The following CYP39A1 variants were observed in gnomAD, a reference collection of about 807,000 sequenced individuals.
The protein encoded by CYP39A1 is cytochrome P450 family 39 subfamily A member 1, also known as 24-hydroxycholesterol 7-alpha-hydroxylase.
A neutral mutation model predicts 58.1 loss-of-function variants in CYP39A1; 49 were observed. That is an observed-to-expected ratio of 0.84 (90% CI 0.67 to 1.07). CYP39A1 has a LOEUF of 1.07. Ranked by LOEUF, CYP39A1 falls within the 50% of genes least tolerant of loss-of-function variation. CYP39A1 has a pLI of 0.00. For synonymous variants in CYP39A1, 209 were observed against 187.6 expected (o/e 1.11, Z -0.93); for missense variants, 531 against 539.4 (o/e 0.98, Z 0.16).
At chr6:46,577,111 T>C (rs180809716) in intron 10 of CYP39A1, among the ~76,000 whole-genome samples, 23 of 152,214 alleles carry the variant, frequency 1.5e-4, no homozygotes, top group African/African-American at 5.3e-4. Flanking sequence ...CCATGAGAGA[T>C]TGGGGGTGTA....
chr6:46,583,412 G>A (rs1772263610), intron 10 of CYP39A1: 8 of 985,310 alleles, frequency 8.1e-6, no homozygotes, highest in Non-Finnish European at 8.4e-6. Flanking sequence ...ACTCTCAGAG[G>A]TGCTCACTCA....
At chr6:46,568,935 A>C (rs1442501225) in intron 10 of CYP39A1, among the ~76,000 whole-genome samples, 1 of 151,916 alleles carries the variant, frequency 6.6e-6, no homozygotes, top group South Asian at 2.1e-4. Flanking sequence ...AAAAAATAAC[A>C]TCATTGCGAT....
At chr6:46,640,222 T>G (rs1776247632) in intron 2 of CYP39A1, among the ~76,000 whole-genome samples, 1 of 152,186 alleles carries the variant, frequency 6.6e-6, no homozygotes. Flanking sequence ...TTTCAGCCCT[T>G]CTCCCTCAAA....
intron 10 of CYP39A1, among the ~76,000 whole-genome samples, chr6:46,580,036 C>G (rs1772040463): frequency 6.6e-6 from 1 of 151,922 alleles, no homozygotes; most frequent in Admixed American, 6.6e-5. Flanking sequence ...AAAAAGAGCC[C>G]AAATTACCAA....
At chr6:46,622,509 A>T (rs1029202354) in intron 7 of CYP39A1, among the ~76,000 whole-genome samples, 2 of 149,666 alleles carry the variant, frequency 1.3e-5, no homozygotes, top group Non-Finnish European at 2.9e-5. Flanking sequence ...GCTACTCAGG[A>T]GGCTGTGGCA....
At chr6:46,560,339 G>A (rs1770909151) in intron 10 of CYP39A1, among the ~76,000 whole-genome samples, 1 of 152,164 alleles carries the variant, frequency 6.6e-6, no homozygotes, top group Non-Finnish European at 1.5e-5. Flanking sequence ...TGGTGACTTA[G>A]AACAGGATGG....
intron 10 of CYP39A1, chr6:46,586,608 G>T (rs769172482): frequency 2.8e-5 from 27 of 979,162 alleles, no homozygotes; most frequent in Non-Finnish European, 3.3e-5. Context: ...ACTATAAAAG[G>T]TATCAAAAGA....
intron 10 of CYP39A1, among the ~76,000 whole-genome samples, chr6:46,558,877 T>C (rs920312599): frequency 1.3e-5 from 2 of 150,974 alleles, no homozygotes; most frequent in Non-Finnish European, 2.9e-5. Flanking sequence ...GCACCTGTAA[T>C]CCCAGCTACT....
At chr6:46,575,425 G>A (rs1056701790) in intron 10 of CYP39A1, among the ~76,000 whole-genome samples, 2 of 152,188 alleles carry the variant, frequency 1.3e-5, no homozygotes, top group African/African-American at 2.4e-5. Context: ...CTGCCTGGCT[G>A]CAACCACATG....
intron 10 of CYP39A1, chr6:46,586,545 C>T (rs993421066): frequency 7.1e-6 from 7 of 985,296 alleles, no homozygotes; most frequent in Non-Finnish European, 8.4e-6. Flanking sequence ...TGGACACTTG[C>T]ATTAGAACAG....
intron 10 of CYP39A1, among the ~76,000 whole-genome samples, chr6:46,579,931 C>A (rs957780487): frequency 6.6e-6 from 1 of 152,050 alleles, no homozygotes; most frequent in Non-Finnish European, 1.5e-5. Context: ...TCATACTGCA[C>A]AAGGAATTTA....
At chr6:46,642,608 T>G (rs1392432565) in intron 1 of CYP39A1, among the ~76,000 whole-genome samples, 1 of 152,156 alleles carries the variant, frequency 6.6e-6, no homozygotes, top group Non-Finnish European at 1.5e-5. Context: ...CATTGTGACA[T>G]TTAAACATTG....
rs568266737 is a variant in CYP39A1, at chr6:46,639,724, T to A, written c.314-56A>T. 22 of 1,414,296 alleles carry A rather than the reference T, an allele frequency of 1.6e-5. No individual in the cohort carries two copies. In the East Asian group the frequency reaches 4.9e-4, roughly 31 times the overall value. The allele number at this position is 1,414,296 out of a possible 1,614,324, so 87.6% of individuals were successfully genotyped here. A position where few individuals can be genotyped will look rare whatever the true frequency, so the allele number is the denominator to read the frequency against. On this transcript the variant is annotated intron_variant, in intron 2 of 11. Transcript: ENST00000275016. ...AGCAACAACTCCTTGAAACACACAGTCAATATATATCTACTATTATTTGGT... is the reference window on the plus strand; with the variant it reads ...AGCAACAACTCCTTGAAACACACAGACAATATATATCTACTATTATTTGGT...
At chr6:46,553,279 A>G (rs966004467) in intron 11 of CYP39A1, among the ~76,000 whole-genome samples, 1 of 152,168 alleles carries the variant, frequency 6.6e-6, no homozygotes, top group Non-Finnish European at 1.5e-5. Flanking sequence ...TGAATATTCA[A>G]TAGTTTGAGG....
intron 7 of CYP39A1, among the ~76,000 whole-genome samples, chr6:46,605,699 C>T (rs1052233033): frequency 7.2e-5 from 11 of 152,124 alleles, no homozygotes; most frequent in Admixed American, 6.6e-5. Context: ...TAATTAGAAA[C>T]CTGAGATGGG....
intron 5 of CYP39A1, among the ~76,000 whole-genome samples, chr6:46,633,421 C>T (rs999966169): frequency 6.6e-6 from 1 of 151,946 alleles, no homozygotes; most frequent in Non-Finnish European, 1.5e-5. Context: ...TGCAATAAAG[C>T]GTGTATATAT....
intron 7 of CYP39A1, among the ~76,000 whole-genome samples, chr6:46,621,118 A>G (rs1413070903): frequency 6.6e-6 from 1 of 152,182 alleles, no homozygotes; most frequent in African/African-American, 2.4e-5. Flanking sequence ...TCATAAAGTT[A>G]AAAAATCAAG....
intron 7 of CYP39A1, among the ~76,000 whole-genome samples, chr6:46,620,539 A>G (rs1178959070): frequency 6.6e-6 from 1 of 152,174 alleles, no homozygotes; most frequent in Non-Finnish European, 1.5e-5. Context: ...AGTTGTTCAT[A>G]GTGGCTTTGC....
At chr6:46,572,712 G>GAAAT (rs1239126853) in intron 10 of CYP39A1, among the ~76,000 whole-genome samples, 1 of 151,980 alleles carries the variant, frequency 6.6e-6, no homozygotes, top group Non-Finnish European at 1.5e-5. Context: ...TCTCTCTCAG[G>GAAAT]GTTCGGGAAA....
Sources: allele counts gnomAD v4.1 joint callset (sites outside exome capture counted in the v4.1 genomes callset), GRCh38; gene constraint gnomAD v4.1.1; transcripts MANE v1.5; gene names NCBI Gene and HGNC (gene_info 2026-07-23, HGNC 2026-07-21).